FGF14: variants seen among roughly 807,000 people sequenced by gnomAD.
FGF14 encodes the protein fibroblast growth factor 14.
In FGF14, 5 loss-of-function variants were observed where a neutral mutation model predicts 25.5. The observed-to-expected ratio is 0.20, with a 90% CI of 0.10 to 0.41. The LOEUF (loss-of-function observed/expected upper bound fraction) is 0.41, where lower values mean the gene tolerates loss of function less well. FGF14 is among the 10% of genes least tolerant of loss of function. The pLI, the probability that FGF14 is intolerant of heterozygous loss-of-function variation, is 1.00. For synonymous variants in FGF14, 138 were observed against 118.3 expected (o/e 1.17, Z -1.08); for missense variants, 222 against 320.1 (o/e 0.69, Z 2.34).
intron 3 of FGF14, among the ~76,000 whole-genome samples, chr13:101,813,082 G>A (rs550438009): frequency 2.6e-5 from 4 of 152,274 alleles, no homozygotes; most frequent in South Asian, 2.1e-4. Flanking sequence ...AAGAGGTGAA[G>A]TTCATGGCAA....
chr13:102,128,858 G>A (rs915544695), intron 1 of FGF14, among the ~76,000 whole-genome samples: 8 of 152,126 alleles, frequency 5.3e-5, no homozygotes, highest in Non-Finnish European at 7.3e-5. Context: ...TAAGGCAGGC[G>A]GATCACTTGA....
At chr13:102,205,984 T>G (rs1385323797) in intron 1 of FGF14, among the ~76,000 whole-genome samples, 15 of 47,408 alleles carry the variant, frequency 3.2e-4, no homozygotes, top group Non-Finnish European at 4.8e-4. Context: ...CTCCCTGTGG[T>G]AAAAAAAAAA....
At chr13:102,015,294 G>GA (rs1484217358) in intron 1 of FGF14, among the ~76,000 whole-genome samples, 1 of 152,110 alleles carries the variant, frequency 6.6e-6, no homozygotes, top group Non-Finnish European at 1.5e-5. Context: ...TGTCTAAATA[G>GA]AAAAAAGCTC....
chr13:102,023,461 C>T lies in FGF14; in HGVS notation c.209-148165G>A, dbSNP rs186219993. ...TTTTATTGACATACAATTCATGTAC[C>T]GTAAAATTCACCTTTTATGGTGTAC... is the stretch of plus-strand genomic sequence containing the variant. On this transcript the variant is annotated intron_variant, in intron 1 of 4. Coordinates refer to the FGF14 transcript ENST00000376131. 3.1e-3 allele frequency among the ~76,000 whole-genome samples: 478 copies of T among 151,864 alleles called. 4 individuals carry two copies. Among genetic ancestry groups the T allele is most frequent in the African/African-American group, 0.01 (435 of 41,440 alleles).
At chr13:102,371,224 A>G (rs2057873206) in intron 1 of FGF14, among the ~76,000 whole-genome samples, 1 of 152,180 alleles carries the variant, frequency 6.6e-6, no homozygotes, top group Non-Finnish European at 1.5e-5. Flanking sequence ...AATGTTCTTC[A>G]TGGGCTCCTC....
chr13:102,283,160 A>T (rs923160177), intron 1 of FGF14, among the ~76,000 whole-genome samples: 5 of 152,184 alleles, frequency 3.3e-5, no homozygotes, highest in Admixed American at 6.5e-5. Flanking sequence ...AGACAAGAAA[A>T]GAAGGGGACA....
intron 1 of FGF14, among the ~76,000 whole-genome samples, chr13:102,104,850 T>G (rs779410638): frequency 5.9e-5 from 9 of 152,136 alleles, no homozygotes; most frequent in Non-Finnish European, 1.2e-4. Context: ...CAGCAGCCAC[T>G]GGCATGAAGG....
intron 1 of FGF14, among the ~76,000 whole-genome samples, chr13:102,087,407 CTTTTT>C (rs71125043): frequency 3.6e-5 from 3 of 84,444 alleles, no homozygotes; most frequent in Middle Eastern, 7.0e-3. Flanking sequence ...ACTGTAATTT[CTTTTT>C]TTTTTTTTTT....
At position 101,868,775 on chromosome 13, in the gene FGF14, T is replaced by G; in HGVS notation, c.358A>C (p.Lys120Gln). ...GLRVVAIQGV[K>Q]TGLYIAMNGE... ...TTCATGGCTATATACAACCCTGTTT[T>G]CACTCCCTGGATGGCAACAACACGT... Residue 120 changes from lysine to glutamine, a missense_variant, in exon 3 of 5, where the codon AAA becomes CAA. This residue lies in a region of FGF14 where 50 missense variants were observed against 75.2 expected (regional missense o/e 0.66). Transcript: ENST00000376143. 4 of 1,613,820 alleles carry G rather than the reference T, an allele frequency of 2.5e-6. No homozygotes were observed. In the Admixed American group the frequency reaches 6.7e-5, roughly 27 times the overall value.
chr13:102,337,289 G>C (rs951934509), intron 1 of FGF14, among the ~76,000 whole-genome samples: 3 of 152,264 alleles, frequency 2.0e-5, no homozygotes, highest in Non-Finnish European at 4.4e-5. Context: ...AATCCTTATG[G>C]ATGACTTTGA....
At chr13:102,231,770 T>A (rs372596121) in intron 1 of FGF14, among the ~76,000 whole-genome samples, 27 of 152,304 alleles carry the variant, frequency 1.8e-4, no homozygotes, top group African/African-American at 6.5e-4. Context: ...CTCCACCTCT[T>A]TCTGGCTGAA....
chr13:102,291,011 T>A (rs2054364026), intron 1 of FGF14, among the ~76,000 whole-genome samples: 1 of 152,168 alleles, frequency 6.6e-6, no homozygotes. Context: ...TAACCAATAA[T>A]ATTTTGAAAA....
chr13:101,761,565 G>A (rs972713071), intron 3 of FGF14, among the ~76,000 whole-genome samples: 2 of 152,134 alleles, frequency 1.3e-5, no homozygotes, highest in Admixed American at 1.3e-4. Context: ...TCTTGGTCAA[G>A]TTAGCAGCAA....
chr13:101,729,969 TG>T (rs1157881275), intron 3 of FGF14, among the ~76,000 whole-genome samples: 1 of 152,198 alleles, frequency 6.6e-6, no homozygotes, highest in Non-Finnish European at 1.5e-5. Flanking sequence ...GGAAATGGCC[TG>T]GTACATTTGG....
chr13:101,985,938 A>ACCTAAGATAGG (rs2038552376), intron 1 of FGF14, among the ~76,000 whole-genome samples: 1 of 152,132 alleles, frequency 6.6e-6, no homozygotes, highest in Non-Finnish European at 1.5e-5. Flanking sequence ...TTCAGAAAAC[A>ACCTAAGATAGG]TCCAACTGCT....
intron 3 of FGF14, among the ~76,000 whole-genome samples, chr13:101,848,182 C>G (rs2043563189): frequency 6.6e-6 from 1 of 151,798 alleles, no homozygotes; most frequent in Non-Finnish European, 1.5e-5. Flanking sequence ...ATTTAATATG[C>G]ATAAATTTAT....
rs148698757 is a variant in FGF14, at chr13:102,270,338, T to C, written c.208+131133A>G. On this transcript the variant is annotated intron_variant, in intron 1 of 4. Transcript: ENST00000376131. ...TATTTTATGCTGTATTGGAAGCATT[T>C]CCTATGTTACTACACAATTTTAATA... Among the ~76,000 whole-genome samples, 613 of 152,280 alleles carry C rather than the reference T, an allele frequency of 4.0e-3. 2 individuals carry two copies. Among genetic ancestry groups the C allele is most frequent in the African/African-American group, 0.014 (587 of 41,572 alleles).
At chr13:102,132,626 T>A (rs574679913) in intron 1 of FGF14, among the ~76,000 whole-genome samples, 1 of 151,956 alleles carries the variant, frequency 6.6e-6, no homozygotes, top group Non-Finnish European at 1.5e-5. Context: ...AGGTAATTCT[T>A]CTGCTGCAGC....
intron 1 of FGF14, among the ~76,000 whole-genome samples, chr13:102,058,814 G>A (rs570876145): frequency 6.6e-6 from 1 of 152,022 alleles, no homozygotes; most frequent in African/African-American, 2.4e-5. Context: ...TTATTTTTCT[G>A]AGTCCAAATC....
Sources: allele counts gnomAD v4.1 joint callset (sites outside exome capture counted in the v4.1 genomes callset), GRCh38; gene constraint gnomAD v4.1.1; regional missense constraint gnomAD v4.1.1; transcripts MANE v1.5; gene names NCBI Gene and HGNC (gene_info 2026-07-23, HGNC 2026-07-21).